Variants in NTN1 observed in about 807,000 individuals in gnomAD.
The protein encoded by NTN1 is netrin 1.
Under a neutral mutation model 54.2 loss-of-function variants are expected in NTN1, and 11 were observed. That is an observed-to-expected ratio of 0.20 (90% CI 0.13 to 0.34). NTN1 has a LOEUF of 0.34. NTN1 is among the 10% of genes least tolerant of loss of function. The pLI is 1.00. For missense variants in NTN1, 740 were observed against 893.1 expected, an observed-to-expected ratio of 0.83 and a Z score of 2.18; for synonymous variants, 371 against 382.0, an observed-to-expected ratio of 0.97 and a Z score of 0.33.
At chr17:9,179,373 C>CA (rs2092411065) in intron 3 of NTN1, among the ~76,000 whole-genome samples, 1 of 152,106 alleles carries the variant, frequency 6.6e-6, no homozygotes, top group Non-Finnish European at 1.5e-5. Flanking sequence ...CCTGGGTTGG[C>CA]AAGAAAACTT....
chr17:9,102,635 G>T (rs1002364630), intron 2 of NTN1, among the ~76,000 whole-genome samples: 2 of 152,034 alleles, frequency 1.3e-5, no homozygotes, highest in East Asian at 3.9e-4. Flanking sequence ...ATACCCATTG[G>T]TAATGTGTCC....
rs754531340 is a variant in NTN1 at position 9,243,236 on chromosome 17, CTA to C, written c.*3270_*3271del. On this transcript the variant is annotated 3_prime_UTR_variant, in exon 7 of 7. Coordinates refer to ENST00000173229, the MANE Select transcript of NTN1 (RefSeq NM_004822.3). ...CAGGAGGCAGCATCCCCAGGGGCCTCTATGTGGGAGGGAGGGACACCTGGGGT... is the reference window on the plus strand; with the variant it reads ...CAGGAGGCAGCATCCCCAGGGGCCTCTGTGGGAGGGAGGGACACCTGGGGT... 1 of 152,096 alleles carries C rather than the reference CTA, an allele frequency of 6.6e-6. No homozygotes were observed. The highest frequency in any genetic ancestry group is 1.5e-5 in the Non-Finnish European group (1 of 68,028). 9.4% of individuals were successfully genotyped at this position (152,096 alleles called of 1,614,324 possible). A position where few individuals can be genotyped will look rare whatever the true frequency, so the allele number is the denominator to read the frequency against.
intron 6 of NTN1, among the ~76,000 whole-genome samples, chr17:9,231,001 C>T (rs115950274): frequency 0.011 from 1,737 of 152,034 alleles, 32 homozygotes; most frequent in African/African-American, 0.039. Flanking sequence ...CCAAGGTGCC[C>T]GGAGTGTGGG....
intron 5 of NTN1, among the ~76,000 whole-genome samples, chr17:9,220,924 A>G (rs890409406): frequency 1.1e-3 from 32 of 30,082 alleles, no homozygotes; most frequent in Non-Finnish European, 1.6e-3. Context: ...GGGTGGTTGC[A>G]GGCGGTGGCT....
intron 5 of NTN1, among the ~76,000 whole-genome samples, chr17:9,200,627 T>C (rs1466893772): frequency 6.6e-6 from 1 of 152,216 alleles, no homozygotes; most frequent in Admixed American, 6.5e-5. Flanking sequence ...TTTTCCCTGC[T>C]CCCTGCCAAC....
intron 2 of NTN1, among the ~76,000 whole-genome samples, chr17:9,037,490 A>G (rs1485272237): frequency 6.6e-6 from 1 of 152,186 alleles, no homozygotes; most frequent in African/African-American, 2.4e-5. Context: ...ATGATTTTGC[A>G]TTAATTCTGC....
At chr17:9,011,179 C>T in the NTN1 span, among the ~76,000 whole-genome samples, 24 of 152,300 alleles carry the variant, frequency 1.6e-4, no homozygotes, top group East Asian at 3.9e-4. Context: ...TAAATACAGA[C>T]GAAGCTTAGC....
At position 9,221,242 on chromosome 17, in the gene NTN1, GGTGA is replaced by G. The variant is rs768993157; in HGVS notation, c.1486+6_1486+9del. 6.1e-5 allele frequency: 98 copies of G among 1,609,818 alleles called. No individual in the cohort carries two copies. The highest frequency in any genetic ancestry group is 8.2e-5 in the Non-Finnish European group (96 of 1,177,158). ...GAAAAAGTACTGCAAGAAGGACTAT[GGTGA>G]GTGAGAGTCCCCTTGTCTGGGGAGG... On this transcript the variant is annotated splice_donor_variant and splice_donor_region_variant and intron_variant, in intron 6 of 6. Transcript: ENST00000173229. LOFTEE classifies it high-confidence loss of function. The surrounding 1 kb of genome is among the most constrained non-coding windows in gnomAD (Gnocchi z 4.5).
intron 2 of NTN1, among the ~76,000 whole-genome samples, chr17:9,084,231 C>T (rs2142226954): frequency 6.6e-6 from 1 of 152,228 alleles, no homozygotes; most frequent in African/African-American, 2.4e-5. Flanking sequence ...CCTCAGCCTC[C>T]TGAGTAGCTG....
At chr17:9,218,408 C>G (rs1261651424) in intron 5 of NTN1, among the ~76,000 whole-genome samples, 1 of 152,180 alleles carries the variant, frequency 6.6e-6, no homozygotes, top group East Asian at 1.9e-4. Flanking sequence ...GAGTAGCTGC[C>G]ATTAGTGAGG....
intron 2 of NTN1, among the ~76,000 whole-genome samples, chr17:9,082,680 T>C (rs1315409891): frequency 6.8e-6 from 1 of 148,030 alleles, no homozygotes; most frequent in Non-Finnish European, 1.5e-5. Context: ...TACGAGTGCA[T>C]AGAGTAGAGA....
At chr17:9,209,706 C>T (rs1905051125) in intron 5 of NTN1, among the ~76,000 whole-genome samples, 1 of 152,230 alleles carries the variant, frequency 6.6e-6, no homozygotes, top group South Asian at 2.1e-4. Flanking sequence ...AGGACCCCAG[C>T]TTGGTGCAGG....
intron 2 of NTN1, among the ~76,000 whole-genome samples, chr17:9,060,005 G>T (rs572199754): frequency 1.3e-5 from 2 of 152,194 alleles, no homozygotes; most frequent in South Asian, 4.1e-4. Context: ...CTGCATACGG[G>T]GTGTATGTAT....
At chr17:9,112,334 C>A (rs2092194520) in intron 2 of NTN1, among the ~76,000 whole-genome samples, 1 of 152,192 alleles carries the variant, frequency 6.6e-6, no homozygotes, top group Non-Finnish European at 1.5e-5. Context: ...CTATTCGTTA[C>A]AATTTGTGTA....
chr17:9,209,347 A>G (rs1905042603), intron 5 of NTN1, among the ~76,000 whole-genome samples: 1 of 152,240 alleles, frequency 6.6e-6, no homozygotes, highest in African/African-American at 2.4e-5. Flanking sequence ...TTTGAAGAAG[A>G]GTATTCTAGA....
At chr17:9,019,537 G>A (rs1189045893), upstream of NTN1, among the ~76,000 whole-genome samples, 2 of 152,200 alleles carry the variant, frequency 1.3e-5, no homozygotes, top group African/African-American at 4.8e-5. Flanking sequence ...ATTTATATGT[G>A]TTACAGACCT....
At chr17:9,205,491 G>A (rs1351522023) in intron 5 of NTN1, among the ~76,000 whole-genome samples, 2 of 152,230 alleles carry the variant, frequency 1.3e-5, no homozygotes, top group African/African-American at 2.4e-5. Context: ...GCTATGTTTG[G>A]TTGTGTGCAC....
intron 3 of NTN1, chr17:9,177,707 C>T (rs2092404358): frequency 6.6e-6 from 1 of 152,280 alleles, no homozygotes; most frequent in Non-Finnish European, 1.5e-5. Context: ...CATCTCCCTT[C>T]CTACCATGGA....
intron 5 of NTN1, among the ~76,000 whole-genome samples, chr17:9,210,136 C>A (rs960366805): frequency 6.6e-6 from 1 of 152,094 alleles, no homozygotes; most frequent in Non-Finnish European, 1.5e-5. Flanking sequence ...TCCTTCCGTC[C>A]GTGCAAGGAA....
Sources: allele counts gnomAD v4.1 joint callset (sites outside exome capture counted in the v4.1 genomes callset), GRCh38; gene constraint gnomAD v4.1.1; non-coding constraint Gnocchi (gnomAD v3.1); transcripts MANE v1.5; gene names NCBI Gene and HGNC (gene_info 2026-07-23, HGNC 2026-07-21).